The following AGBL1 variants were observed in gnomAD, a reference collection of about 807,000 sequenced individuals.
AGBL1 encodes AGBL carboxypeptidase 1, also known as cytosolic carboxypeptidase 4.
Under a neutral mutation model 118.9 loss-of-function variants are expected in AGBL1, and 130 were observed. The ratio of observed to expected loss-of-function variants is 1.09; its 90% CI spans 0.95 to 1.26. The LOEUF is 1.26. AGBL1 is among the 50% of genes most tolerant of loss of function. The pLI is 0.00. For synonymous variants in AGBL1, 555 were observed against 478.9 expected, an observed-to-expected ratio of 1.16 and a Z score of -2.08; for missense variants, 1,584 against 1,298.1, an observed-to-expected ratio of 1.22 and a Z score of -3.38.
At chr15:87,004,006 A>G (rs1230344431) in intron 24 of AGBL1, among the ~76,000 whole-genome samples, 2 of 152,074 alleles carry the variant, frequency 1.3e-5, no homozygotes. Flanking sequence ...GCCTTCTGCT[A>G]GCTTTTGAAT....
At chr15:86,204,250 A>G (rs143500593) in intron 5 of AGBL1, among the ~76,000 whole-genome samples, 13 of 152,182 alleles carry the variant, frequency 8.5e-5, no homozygotes, top group African/African-American at 2.6e-4. Flanking sequence ...TCTCCTGCCA[A>G]CTCAGTACCT....
At chr15:86,795,457 C>T (rs534306652) in intron 22 of AGBL1, among the ~76,000 whole-genome samples, 42 of 152,040 alleles carry the variant, frequency 2.8e-4, no homozygotes, top group Non-Finnish European at 5.7e-4. Context: ...CATGACTCTG[C>T]AATTGCTTGT....
chr15:86,619,296 G>A (rs901742414), intron 21 of AGBL1, among the ~76,000 whole-genome samples: 1 of 152,156 alleles, frequency 6.6e-6, no homozygotes. Flanking sequence ...TACACTTGGT[G>A]TGTGGCCTAA....
intron 22 of AGBL1, among the ~76,000 whole-genome samples, chr15:86,848,078 T>C (rs1415397238): frequency 1.3e-5 from 2 of 152,136 alleles, no homozygotes; most frequent in Middle Eastern, 3.2e-3. Context: ...TCTTTTTCAG[T>C]GAAGCTTCTG....
Position 86,613,886 on chromosome 15 carries a change from C to G in AGBL1, c.2994+59349C>G, listed in dbSNP as rs965996119. Among the ~76,000 whole-genome samples, 1 of 152,156 alleles carries G rather than the reference C, an allele frequency of 6.6e-6. No individual in the cohort carries two copies. Among genetic ancestry groups the G allele is most frequent in the African/African-American group, 2.4e-5 (1 of 41,422 alleles). ...GTTTGAGAAGTCCTGAGTGAAAAGA[C>G]CAATCTCTAGGGATGTTATTCAAAG... On this transcript the variant is annotated intron_variant, in intron 21 of 22. Coordinates refer to ENST00000614907, the MANE Select transcript of AGBL1 (RefSeq NM_001386094.1). The surrounding 1 kb of genome is among the most constrained non-coding windows in gnomAD (Gnocchi z 4.2).
intron 22 of AGBL1, 79 bp from the exon 23 acceptor site, chr15:86,907,008 C>G (rs1596618926): frequency 6.6e-6 from 1 of 152,296 alleles, no homozygotes; most frequent in East Asian, 1.9e-4. Context: ...CCTTCTACTT[C>G]CCTTTCCCTT....
intron 17 of AGBL1, among the ~76,000 whole-genome samples, chr15:86,301,068 C>G (rs1289620872): frequency 6.6e-6 from 1 of 152,132 alleles, no homozygotes; most frequent in Non-Finnish European, 1.5e-5. Context: ...GCCTCCTGAT[C>G]AGGTGTGAAG....
At chr15:86,145,322 G>C (rs1003575781) in intron 3 of AGBL1, among the ~76,000 whole-genome samples, 1 of 152,082 alleles carries the variant, frequency 6.6e-6, no homozygotes, top group African/African-American at 2.4e-5. Flanking sequence ...TTCCATTTAG[G>C]CTCCATAGTC....
At chr15:86,868,313 A>G (rs903972815) in intron 22 of AGBL1, among the ~76,000 whole-genome samples, 1 of 152,242 alleles carries the variant, frequency 6.6e-6, no homozygotes, top group African/African-American at 2.4e-5. Context: ...CACTAACTGT[A>G]TAGCACAAAG....
intron 6 of AGBL1, among the ~76,000 whole-genome samples, chr15:86,247,346 G>A (rs1024459692): frequency 6.6e-6 from 1 of 152,160 alleles, no homozygotes; most frequent in Non-Finnish European, 1.5e-5. Context: ...TGTAGGTCAG[G>A]TATTTTGTAG....
At chr15:86,415,808 T>G (rs2081685408) in intron 18 of AGBL1, among the ~76,000 whole-genome samples, 1 of 152,200 alleles carries the variant, frequency 6.6e-6, no homozygotes, top group Non-Finnish European at 1.5e-5. Flanking sequence ...CCACTTTGGA[T>G]CTTTAATCTG....
chr15:86,402,958 C>T (rs2081469632), intron 18 of AGBL1, among the ~76,000 whole-genome samples: 1 of 152,166 alleles, frequency 6.6e-6, no homozygotes, highest in Non-Finnish European at 1.5e-5. Flanking sequence ...GGGCTGAGTT[C>T]TAAGTAAATC....
chr15:87,025,147 A>C (rs1334963322), intron 24 of AGBL1, among the ~76,000 whole-genome samples: 2 of 152,084 alleles, frequency 1.3e-5, no homozygotes, highest in African/African-American at 4.8e-5. Flanking sequence ...AGATAAGAGA[A>C]AGAAATAAAG....
intron 18 of AGBL1, among the ~76,000 whole-genome samples, chr15:86,429,489 A>G (rs138722080): frequency 5.3e-5 from 8 of 152,354 alleles, no homozygotes; most frequent in African/African-American, 1.4e-4. Flanking sequence ...ATCAAACTTA[A>G]AATTATAGCT....
At chr15:86,210,290 G>A (rs2141883547) in intron 5 of AGBL1, among the ~76,000 whole-genome samples, 1 of 152,188 alleles carries the variant, frequency 6.6e-6, no homozygotes, top group East Asian at 1.9e-4. Context: ...ACAATTATGT[G>A]TCTTGGGGTT....
At chr15:87,004,895 C>G (rs543174098) in intron 24 of AGBL1, among the ~76,000 whole-genome samples, 1 of 152,192 alleles carries the variant, frequency 6.6e-6, no homozygotes, top group South Asian at 2.1e-4. Flanking sequence ...GTGTTGGTGA[C>G]AAAATCTCTC....
chr15:86,374,078 A>G (rs749410062), intron 17 of AGBL1, among the ~76,000 whole-genome samples: 11 of 152,188 alleles, frequency 7.2e-5, no homozygotes, highest in Non-Finnish European at 1.5e-4. Context: ...TTGGTTGCAT[A>G]TTTAGACAGA....
At chr15:86,366,240 C>G (rs1313150326) in intron 17 of AGBL1, among the ~76,000 whole-genome samples, 1 of 152,140 alleles carries the variant, frequency 6.6e-6, no homozygotes, top group Admixed American at 6.6e-5. Flanking sequence ...GAGACAATGG[C>G]TGAAAACTGA....
intron 22 of AGBL1, among the ~76,000 whole-genome samples, chr15:86,753,820 G>A (rs2077893420): frequency 6.6e-6 from 1 of 152,090 alleles, no homozygotes; most frequent in Non-Finnish European, 1.5e-5. Flanking sequence ...CACTGAACAT[G>A]TGAATCACAA....
Sources: gnomAD v4.1 joint callset for allele counts (sites outside exome capture counted in the v4.1 genomes callset) on GRCh38, gnomAD v4.1.1 for gene constraint, Gnocchi (gnomAD v3.1) non-coding constraint, MANE v1.5 for transcripts, NCBI Gene and HGNC (gene_info 2026-07-23, HGNC 2026-07-21) for gene names.